The following TNFRSF11B variants were observed in gnomAD, a reference collection of about 807,000 sequenced individuals.
TNFRSF11B encodes TNF receptor superfamily member 11b, also known as tumor necrosis factor receptor superfamily member 11B.
TNFRSF11B carries 16 observed loss-of-function variants against 43.4 expected under a neutral mutation model. The ratio of observed to expected loss-of-function variants is 0.37; its 90% CI spans 0.25 to 0.56. The LOEUF is 0.56. Among genes scored for constraint, TNFRSF11B ranks in the 20% least tolerant of loss-of-function variants. The probability of loss-of-function intolerance (pLI) is 0.80; values close to 1 mark genes in which losing one functional copy is unlikely to be tolerated. For synonymous variants in TNFRSF11B, 185 were observed against 181.8 expected (o/e 1.02, Z -0.14); for missense variants, 444 against 490.1 (o/e 0.91, Z 0.89).
chr8:118,933,041 C>T lies in TNFRSF11B; in HGVS notation c.290G>A (p.Cys97Tyr). The T allele has an allele frequency of 6.2e-7, 1 of 1,614,182 alleles. No homozygotes were observed. Among genetic ancestry groups the T allele is most frequent in the Non-Finnish European group, 8.5e-7 (1 of 1,180,028 alleles). ...CKELQYVKQE[C>Y]NRTHNRVCEC... Reference sequence around the variant, plus strand: ...GCACACGCGGTTGTGGGTGCGATTGCACTCCTGCTTGACGTACTGCAGCTC... The same window carrying T: ...GCACACGCGGTTGTGGGTGCGATTGTACTCCTGCTTGACGTACTGCAGCTC... Residue 97 changes from cysteine to tyrosine, a missense_variant, in exon 2 of 5, where the codon TGC (cysteine) becomes TAC (tyrosine). Transcript: ENST00000297350.
chr8:118,939,253 C>T (rs1462756069), intron 1 of TNFRSF11B, among the ~76,000 whole-genome samples: 6 of 152,114 alleles, frequency 3.9e-5, no homozygotes, highest in Non-Finnish European at 8.8e-5. Context: ...TCCCCTTTTC[C>T]TCCATTCCTC....
chr8:118,940,424 C>G (rs1430552923), intron 1 of TNFRSF11B, among the ~76,000 whole-genome samples: 2 of 152,168 alleles, frequency 1.3e-5, no homozygotes, highest in African/African-American at 4.8e-5. Context: ...GCTTGGAAAC[C>G]TGCATTTAGA....
At chr8:118,935,481 A>G (rs1812391560) in intron 1 of TNFRSF11B, among the ~76,000 whole-genome samples, 1 of 152,158 alleles carries the variant, frequency 6.6e-6, no homozygotes, top group South Asian at 2.1e-4. Context: ...AATTACAAAT[A>G]ATGATCAAAG....
chr8:118,938,375 C>A (rs925700837), intron 1 of TNFRSF11B, among the ~76,000 whole-genome samples: 13 of 152,082 alleles, frequency 8.5e-5, no homozygotes, highest in African/African-American at 2.9e-4. Flanking sequence ...TTGGTTTATA[C>A]CTACTTAGAA....
At position 118,928,988 on chromosome 8, in the gene TNFRSF11B, C is replaced by A. The variant is rs547901788; in HGVS notation, c.401-59G>T. ...CCTCAAATCGTTTCCCAGCAGATGC[C>A]CTCTTAACACAGTTTTGGAAAGACT... On this transcript the variant is annotated intron_variant, in intron 2 of 4. Coordinates refer to ENST00000297350, the MANE Select transcript of TNFRSF11B (RefSeq NM_002546.4). The A allele has an allele frequency of 2.0e-5, 30 of 1,497,324 alleles. No homozygotes were observed. The Middle Eastern group carries it at 5.1e-4, about 26-fold the overall frequency. 92.8% of individuals were successfully genotyped at this position (1,497,324 alleles called of 1,614,324 possible).
chr8:118,942,587 G>A (rs1812502500), intron 1 of TNFRSF11B, among the ~76,000 whole-genome samples: 2 of 151,994 alleles, frequency 1.3e-5, no homozygotes, highest in Non-Finnish European at 2.9e-5. Flanking sequence ...TAATAGCTTA[G>A]TATACTCTAT....
At chr8:118,935,548 A>G (rs986740713) in intron 1 of TNFRSF11B, among the ~76,000 whole-genome samples, 11 of 127,594 alleles carry the variant, frequency 8.6e-5, no homozygotes, top group Non-Finnish European at 2.0e-4. Context: ...TCATTTGAAT[A>G]TATAATGGGA....
intron 1 of TNFRSF11B, among the ~76,000 whole-genome samples, chr8:118,949,247 A>G (rs1812607311): frequency 1.3e-5 from 2 of 151,974 alleles, no homozygotes; most frequent in South Asian, 4.2e-4. Context: ...GCCTTCTCTC[A>G]CTTCTTTGGT....
chr8:118,926,025 G>C (rs1013177444), intron 4 of TNFRSF11B, among the ~76,000 whole-genome samples: 3 of 152,090 alleles, frequency 2.0e-5, no homozygotes, highest in Non-Finnish European at 2.9e-5. Flanking sequence ...TTTAATGCAG[G>C]CCATATCATG....
At chr8:118,951,328 G>T (rs1199539137) in intron 1 of TNFRSF11B, among the ~76,000 whole-genome samples, 2 of 152,084 alleles carry the variant, frequency 1.3e-5, no homozygotes, top group Non-Finnish European at 2.9e-5. Context: ...AATCTATCAT[G>T]TCATATTCTA....
chr8:118,936,909 G>A (rs947154461), intron 1 of TNFRSF11B, among the ~76,000 whole-genome samples: 2 of 152,024 alleles, frequency 1.3e-5, no homozygotes, highest in East Asian at 1.9e-4. Flanking sequence ...TCTTTCTTTC[G>A]TTGTCCTCCC....
chr8:118,936,675 AGCATCT>A (rs1185549414), intron 1 of TNFRSF11B, among the ~76,000 whole-genome samples: 3 of 152,130 alleles, frequency 2.0e-5, no homozygotes, highest in African/African-American at 7.2e-5. Context: ...ACCCTTGATG[AGCATCT>A]GCCCAAGCTG....
chr8:118,932,423 C>T (rs1436195153), intron 2 of TNFRSF11B, among the ~76,000 whole-genome samples: 1 of 152,126 alleles, frequency 6.6e-6, no homozygotes, highest in Admixed American at 6.5e-5. Context: ...GAAGAACTAG[C>T]CTTGTTTTTA....
intron 3 of TNFRSF11B, 66 bp downstream of exon 3, chr8:118,928,672 T>A: frequency 6.5e-7 from 1 of 1,544,948 alleles, no homozygotes; most frequent in Non-Finnish European, 8.9e-7. Flanking sequence ...GGAGGCCTTG[T>A]GTTCAACTCA....
intron 1 of TNFRSF11B, among the ~76,000 whole-genome samples, chr8:118,935,517 TCTGA>T (rs1261252822): frequency 5.9e-5 from 9 of 152,200 alleles, no homozygotes; most frequent in Middle Eastern, 3.4e-3. Flanking sequence ...AGATGACATG[TCTGA>T]CTTTGTTGCT....
chr8:118,946,238 T>C (rs1812559368), intron 1 of TNFRSF11B, among the ~76,000 whole-genome samples: 1 of 152,112 alleles, frequency 6.6e-6, no homozygotes, highest in Admixed American at 6.5e-5. Flanking sequence ...GAAAGAACCA[T>C]TTTAGTGTGT....
chr8:118,927,589 A>G (rs1240353447), intron 3 of TNFRSF11B, among the ~76,000 whole-genome samples: 2 of 146,688 alleles, frequency 1.4e-5, no homozygotes, highest in Admixed American at 1.4e-4. Context: ...AGCAAAGGCT[A>G]AAATGGCTTG....
chr8:118,924,596 C>T lies in TNFRSF11B; in HGVS notation c.984G>A (p.Leu328=). ...ACKPSDQILK[L]LSLWRIKNGD... is the part of the protein sequence containing the mutation. ...CATTTTTTATTCGCCACAAACTGAG[C>T]AGCTTCAGGATCTGGTCACTGGGTT... is the stretch of plus-strand genomic sequence containing the variant. The change falls in exon 5 of 5, where the codon CTG becomes CTA. Residue 328 remains leucine, a synonymous_variant. Transcript: ENST00000297350. The T allele has an allele frequency of 6.2e-7, 1 of 1,614,148 alleles. No homozygotes were observed. Among genetic ancestry groups the T allele is most frequent in the Non-Finnish European group, 8.5e-7 (1 of 1,180,024 alleles).
At chr8:118,936,716 G>A (rs962434273) in intron 1 of TNFRSF11B, among the ~76,000 whole-genome samples, 1 of 152,012 alleles carries the variant, frequency 6.6e-6, no homozygotes, top group Non-Finnish European at 1.5e-5. Context: ...GTGTGTCTGA[G>A]GAAGGATGAG....
Sources: gnomAD v4.1 joint callset for allele counts (sites outside exome capture counted in the v4.1 genomes callset) on GRCh38, gnomAD v4.1.1 for gene constraint, MANE v1.5 for transcripts, NCBI Gene and HGNC (gene_info 2026-07-23, HGNC 2026-07-21) for gene names.